FREM2: variants seen among roughly 807,000 people sequenced by gnomAD.
FREM2 encodes the protein FRAS1-related extracellular matrix protein 2.
FREM2 carries 119 observed loss-of-function variants against 219.9 expected under a neutral mutation model. The observed-to-expected ratio is 0.54, with a 90% CI of 0.47 to 0.63. The LOEUF (loss-of-function observed/expected upper bound fraction) is 0.63, where lower values mean the gene tolerates loss of function less well. Ranked by LOEUF, FREM2 falls within the 30% of genes least tolerant of loss-of-function variation. The probability of loss-of-function intolerance (pLI) is 0.00; values close to 1 mark genes in which losing one functional copy is unlikely to be tolerated. For missense variants in FREM2, 4,030 were observed against 3,993.6 expected, an observed-to-expected ratio of 1.01 and a Z score of -0.25; for synonymous variants, 1,562 against 1,522.8, an observed-to-expected ratio of 1.03 and a Z score of -0.60.
chr13:38,834,460 A>G (rs1337935061), intron 6 of FREM2, among the ~76,000 whole-genome samples: 2 of 152,200 alleles, frequency 1.3e-5, no homozygotes, highest in Non-Finnish European at 2.9e-5. Flanking sequence ...CTTTGGCTAT[A>G]TACCCAGTAA....
At position 38,688,062 on chromosome 13, in the gene FREM2, C is replaced by T; in HGVS notation, c.718C>T (p.Pro240Ser). ...AGAACTCCTCCACTACCCGCAGGTC[C>T]CTGGAGGAGCCAGAGAGGGAGGCGC... Reference protein sequence around the residue: ...YGELLHYPQVPGGAREGGAPE... With the variant: ...YGELLHYPQVSGGAREGGAPE... The change falls in exon 1 of 24, where the codon CCT becomes TCT. Residue 240 changes from proline (P) to serine (S), a missense_variant. By Grantham distance (74) the Pro-to-Ser change is moderately conservative. Around this residue, in one of 2 missense-constraint regions of FREM2, gnomAD observed 3,102 missense variants for 2,950.7 expected, o/e 1.05. Coordinates refer to ENST00000280481, the MANE Select transcript of FREM2 (RefSeq NM_207361.6). 6.2e-7 allele frequency: 1 copy of T among 1,609,010 alleles called. No individual in the cohort carries two copies. The highest frequency in any genetic ancestry group is 8.5e-7 in the Non-Finnish European group (1 of 1,176,158).
chr13:38,835,186 A>G (rs1285354451), intron 6 of FREM2, among the ~76,000 whole-genome samples: 1 of 152,150 alleles, frequency 6.6e-6, no homozygotes, highest in Non-Finnish European at 1.5e-5. Context: ...TTTTCCCAAC[A>G]CCATTTATTA....
At chr13:38,844,241 T>G in intron 6 of FREM2, among the ~76,000 whole-genome samples, 1 of 152,156 alleles carries the variant, frequency 6.6e-6, no homozygotes, top group East Asian at 1.9e-4. Context: ...CTTTTATTTT[T>G]ATAACATTGT....
In FREM2 at chr13:38,784,660, G is replaced by A. The variant is rs1593406284; in HGVS notation, c.5871G>A (p.Arg1957=). The change falls in exon 6 of 24, where the codon CGG becomes CGA. Residue 1957 remains arginine (R), a synonymous_variant. Transcript: ENST00000280481. The part of the protein sequence containing the change: ...TSVVRFDKDE[R]EKLCRIVIID... ...TTGTCCGCTTTGACAAAGATGAACG[G>A]GAGAAACTGTGTCGGATAGTCATAA... is the stretch of plus-strand genomic sequence containing the variant. 1 of 1,614,154 alleles carries A rather than the reference G, an allele frequency of 6.2e-7. No homozygotes were observed. The highest frequency in any genetic ancestry group is 2.2e-5 in the East Asian group (1 of 44,866).
intron 3 of FREM2, among the ~76,000 whole-genome samples, chr13:38,766,449 A>T (rs1873439517): frequency 6.6e-6 from 1 of 152,186 alleles, no homozygotes; most frequent in Non-Finnish European, 1.5e-5. Context: ...TGAAGATGGT[A>T]ACGGAATTCA....
chr13:38,754,901 G>GATTATT lies in FREM2; in HGVS notation c.5264-9389_5264-9384dup, dbSNP rs6145018. ...TGATGATGATGATGATGATGATGAT[G>GATTATT]ATTATTATTATTATTATTAGAGATG... On this transcript the variant is annotated intron_variant, in intron 2 of 23. Transcript: ENST00000280481. 9.3e-3 allele frequency among the ~76,000 whole-genome samples: 1,202 copies of GATTATT among 128,620 alleles called. 18 individuals are homozygous for GATTATT. The highest frequency in any genetic ancestry group is 0.019 in the African/African-American group (658 of 34,292). 84.4% of individuals were successfully genotyped at this position (128,620 alleles called of 152,430 possible).
chr13:38,805,533 GAACT>G (rs1466438009), intron 6 of FREM2, among the ~76,000 whole-genome samples: 1 of 151,934 alleles, frequency 6.6e-6, no homozygotes, highest in South Asian at 2.1e-4. Flanking sequence ...GTAAAATACA[GAACT>G]AACTAAGCTG....
At chr13:38,736,299 A>C (rs1233152719) in intron 2 of FREM2, among the ~76,000 whole-genome samples, 1 of 152,206 alleles carries the variant, frequency 6.6e-6, no homozygotes, top group Non-Finnish European at 1.5e-5. Context: ...AAAAGGAAAC[A>C]AATGGACCTA....
chr13:38,854,617 A>G (rs1247175696), intron 11 of FREM2, among the ~76,000 whole-genome samples: 3 of 152,160 alleles, frequency 2.0e-5, no homozygotes, highest in East Asian at 3.8e-4. Context: ...ATGATTAGCT[A>G]TTTTCTTCTC....
At chr13:38,862,780 ATATTTTT>A (rs1877809080) in intron 15 of FREM2, among the ~76,000 whole-genome samples, 1 of 151,884 alleles carries the variant, frequency 6.6e-6, no homozygotes, top group East Asian at 1.9e-4. Context: ...AATAGGTTTT[ATATTTTT>A]AAATGTTTGG....
chr13:38,691,495 A>G lies in FREM2; in HGVS notation c.4151A>G (p.His1384Arg). 3 of 1,614,178 alleles carry G rather than the reference A, an allele frequency of 1.9e-6. No homozygotes were observed. Among genetic ancestry groups the G allele is most frequent in the Middle Eastern group, 3.3e-4 (2 of 6,062 alleles). ...EVDRNLIQYV[H>R]LGQEGIRDLI... ...GACAGAAACTTAATTCAGTATGTCCATTTGGGGCAAGAGGGCATTCGGGAC... is the reference window on the plus strand; with the variant it reads ...GACAGAAACTTAATTCAGTATGTCCGTTTGGGGCAAGAGGGCATTCGGGAC... The change falls in exon 1 of 24, where the codon CAT becomes CGT. Residue 1384 changes from histidine (H) to arginine (R), a missense_variant. By Grantham distance (29) the His-to-Arg change is conservative. This residue lies in a region of FREM2 where 3,102 missense variants were observed against 2,950.7 expected (regional missense o/e 1.05). Coordinates refer to ENST00000280481, the MANE Select transcript of FREM2 (RefSeq NM_207361.6).
chr13:38,866,213 G>A (rs111308993), intron 16 of FREM2, among the ~76,000 whole-genome samples: 2 of 152,054 alleles, frequency 1.3e-5, no homozygotes, highest in Non-Finnish European at 2.9e-5. Flanking sequence ...CGTTTCATAC[G>A]CCAGGAGCAG....
intron 1 of FREM2, among the ~76,000 whole-genome samples, chr13:38,694,126 G>A (rs1183176575): frequency 6.6e-6 from 1 of 152,186 alleles, no homozygotes; most frequent in African/African-American, 2.4e-5. Context: ...TGTGGACTAA[G>A]TCCAACAGCT....
chr13:38,846,501 G>T, intron 6 of FREM2, 72 bp from the exon 7 acceptor site: 1 of 1,496,806 alleles, frequency 6.7e-7, no homozygotes, highest in South Asian at 1.2e-5. Context: ...ACTCTTCTTT[G>T]GAAGCATGTC....
At chr13:38,790,690 C>T (rs1297492318) in intron 6 of FREM2, among the ~76,000 whole-genome samples, 1 of 152,050 alleles carries the variant, frequency 6.6e-6, no homozygotes, top group Non-Finnish European at 1.5e-5. Context: ...AAAGTAATTG[C>T]GGTTTTGGCC....
In FREM2 at chr13:38,866,392, G is replaced by A. The variant is rs1025418905; in HGVS notation, c.7983+1786G>A. ...TGGGCTCCGTAATCCCAGCTACTCA[G>A]GAGGCTGAGGCAGGAGAATCACTTG... On this transcript the variant is annotated intron_variant, in intron 16 of 23. Transcript: ENST00000280481. 2.6e-5 allele frequency among the ~76,000 whole-genome samples: 4 copies of A among 152,104 alleles called. No individual in the cohort carries two copies. In the East Asian group the frequency reaches 5.8e-4, roughly 22 times the overall value.
chr13:38,806,298 G>C (rs544058723), intron 6 of FREM2, among the ~76,000 whole-genome samples: 7 of 152,022 alleles, frequency 4.6e-5, no homozygotes, highest in African/African-American at 1.7e-4. Context: ...TATAAGGGAG[G>C]AAGTGCGCAG....
intron 2 of FREM2, among the ~76,000 whole-genome samples, chr13:38,750,341 G>A (rs1342535108): frequency 2.0e-5 from 3 of 152,114 alleles, no homozygotes; most frequent in East Asian, 1.9e-4. Context: ...TTTTTAAAAC[G>A]GGAGTGAGAC....
At position 38,846,734 on chromosome 13, in the gene FREM2, C is replaced by T; in HGVS notation, c.6169+12C>T. ...TCCCTCTGCAGATGGTGAGCAGTTT[C>T]CCACTCGGCTCTTTTGATTGTTCTG... is the stretch of plus-strand genomic sequence containing the variant. On this transcript the variant is annotated intron_variant, in intron 7 of 23. Coordinates refer to ENST00000280481, the MANE Select transcript of FREM2 (RefSeq NM_207361.6). 2 of 1,613,398 alleles carry T rather than the reference C, an allele frequency of 1.2e-6. No individual in the cohort carries two copies. Among genetic ancestry groups the T allele is most frequent in the Non-Finnish European group, 1.7e-6 (2 of 1,179,474 alleles).
Sources: allele counts gnomAD v4.1 joint callset (sites outside exome capture counted in the v4.1 genomes callset), GRCh38; gene constraint gnomAD v4.1.1; regional missense constraint gnomAD v4.1.1; transcripts MANE v1.5; gene names NCBI Gene and HGNC (gene_info 2026-07-23, HGNC 2026-07-21).